The following PRKCA variants were observed in gnomAD, a reference collection of about 807,000 sequenced individuals.
The protein encoded by PRKCA is protein kinase C alpha type.
PRKCA carries 27 observed loss-of-function variants against 87.0 expected under a neutral mutation model. The ratio of observed to expected loss-of-function variants is 0.31; its 90% CI spans 0.23 to 0.43. The LOEUF (loss-of-function observed/expected upper bound fraction) is 0.43, where lower values mean the gene tolerates loss of function less well. Ranked by LOEUF, PRKCA falls within the 20% of genes least tolerant of loss-of-function variation. The pLI, the probability that PRKCA is intolerant of heterozygous loss-of-function variation, is 1.00. For synonymous variants in PRKCA, 329 were observed against 311.1 expected (o/e 1.06, Z -0.61); for missense variants, 518 against 852.3 (o/e 0.61, Z 4.88).
intron 3 of PRKCA, among the ~76,000 whole-genome samples, chr17:66,513,281 A>G (rs760975693): frequency 2.0e-5 from 3 of 152,204 alleles, no homozygotes; most frequent in Admixed American, 1.3e-4. Flanking sequence ...CTAAAGGGAA[A>G]TGTCCTAAGA....
intron 16 of PRKCA, chr17:66,797,091 G>GTAAA (rs562606336): frequency 1.2e-3 from 912 of 743,734 alleles, no homozygotes; most frequent in Middle Eastern, 3.4e-3. Context: ...AGACGCCGAG[G>GTAAA]TAAAGGGCAG....
intron 3 of PRKCA, among the ~76,000 whole-genome samples, chr17:66,626,751 C>G (rs1970869685): frequency 6.6e-6 from 1 of 152,190 alleles, no homozygotes; most frequent in African/African-American, 2.4e-5. Context: ...AAGTAATCCA[C>G]CTGTCTGGGC....
chr17:66,508,935 G>A (rs1917096432), intron 3 of PRKCA, among the ~76,000 whole-genome samples: 1 of 152,162 alleles, frequency 6.6e-6, no homozygotes, highest in Admixed American at 6.5e-5. Flanking sequence ...CGGCCTCACT[G>A]GCTGTTAGCT....
intron 3 of PRKCA, among the ~76,000 whole-genome samples, chr17:66,637,144 A>G (rs947547791): frequency 1.3e-5 from 2 of 152,244 alleles, no homozygotes; most frequent in Admixed American, 1.3e-4. Flanking sequence ...TTGCGTGAGT[A>G]AGCCTTAGGT....
chr17:66,675,352 G>A (rs1043295611), intron 5 of PRKCA, among the ~76,000 whole-genome samples: 3 of 152,094 alleles, frequency 2.0e-5, no homozygotes, highest in East Asian at 3.9e-4. Flanking sequence ...TAATGTCATC[G>A]CCTTGGGGGT....
intron 3 of PRKCA, among the ~76,000 whole-genome samples, chr17:66,503,218 C>T (rs1916824145): frequency 6.6e-6 from 1 of 152,110 alleles, no homozygotes; most frequent in Admixed American, 6.5e-5. Flanking sequence ...TTATTTGCCC[C>T]ATGTGTTTTT....
intron 11 of PRKCA, among the ~76,000 whole-genome samples, chr17:66,740,083 G>A (rs1974124321): frequency 6.6e-6 from 1 of 152,182 alleles, no homozygotes; most frequent in Admixed American, 6.5e-5. Flanking sequence ...GGAGAGAAGA[G>A]ATAAACCTCT....
chr17:66,387,284 C>G (rs993580258), intron 2 of PRKCA, among the ~76,000 whole-genome samples: 1 of 152,148 alleles, frequency 6.6e-6, no homozygotes. Context: ...GCAGCATGGG[C>G]AGAAAAGTTG....
At chr17:66,548,090 T>C (rs555302180) in intron 3 of PRKCA, among the ~76,000 whole-genome samples, 6 of 152,216 alleles carry the variant, frequency 3.9e-5, no homozygotes, top group Admixed American at 6.5e-5. Context: ...ATTGTAGCTG[T>C]AATTGTGGGG....
Position 66,382,168 on chromosome 17 carries a change from GTGACCC to G in PRKCA, c.205+76043_205+76048del, listed in dbSNP as rs1420220630. Among the ~76,000 whole-genome samples the G allele has an allele frequency of 2.0e-5, 3 of 152,132 alleles. 1 individual carries two copies. The highest frequency in any genetic ancestry group is 2.9e-5 in the Non-Finnish European group (2 of 68,024). ...GTCCTGCCAAACCTTGGCCTTCAGA[GTGACCC>G]TAGGGCTGGTCTTCCACATTGTGGA... On this transcript the variant is annotated intron_variant, in intron 2 of 16. Coordinates refer to ENST00000413366, the MANE Select transcript of PRKCA (RefSeq NM_002737.3).
At chr17:66,473,534 C>T (rs1352392754) in intron 2 of PRKCA, among the ~76,000 whole-genome samples, 1 of 152,130 alleles carries the variant, frequency 6.6e-6, no homozygotes, top group African/African-American at 2.4e-5. Flanking sequence ...TCCCATTCTA[C>T]TGTTGTTCAA....
chr17:66,776,001 G>A (rs1975036967), intron 14 of PRKCA, among the ~76,000 whole-genome samples: 1 of 152,232 alleles, frequency 6.6e-6, no homozygotes, highest in Admixed American at 6.5e-5. Context: ...AGGAAGTATG[G>A]GGTTGTCTGT....
At chr17:66,490,886 A>T (rs959554770) in intron 2 of PRKCA, among the ~76,000 whole-genome samples, 1 of 152,174 alleles carries the variant, frequency 6.6e-6, no homozygotes, top group Non-Finnish European at 1.5e-5. Flanking sequence ...TGGCTGTATG[A>T]ATTCTTGAGC....
chr17:66,507,492 T>C (rs977644309), intron 3 of PRKCA, among the ~76,000 whole-genome samples: 1 of 152,200 alleles, frequency 6.6e-6, no homozygotes, highest in African/African-American at 2.4e-5. Flanking sequence ...TGAGAAATCT[T>C]AAAATGGTAA....
chr17:66,774,692 G>A (rs1215194121), intron 14 of PRKCA: 2 of 986,184 alleles, frequency 2.0e-6, no homozygotes, highest in African/African-American at 3.5e-5. Flanking sequence ...CTGGGGTTGG[G>A]TTATATGGTT....
At chr17:66,762,179 G>C (rs1476690708) in intron 13 of PRKCA, among the ~76,000 whole-genome samples, 1 of 152,194 alleles carries the variant, frequency 6.6e-6, no homozygotes, top group African/African-American at 2.4e-5. Context: ...AATCATTTGA[G>C]TGTTTAACAT....
intron 2 of PRKCA, among the ~76,000 whole-genome samples, chr17:66,307,288 A>G (rs1397297858): frequency 1.3e-5 from 2 of 152,176 alleles, no homozygotes; most frequent in Non-Finnish European, 2.9e-5. Flanking sequence ...GAAGAAAGAG[A>G]AAGATGTGTT....
chr17:66,409,055 AG>A (rs1567814003), intron 2 of PRKCA, among the ~76,000 whole-genome samples: 2 of 146,944 alleles, frequency 1.4e-5, no homozygotes, highest in African/African-American at 5.1e-5. Context: ...AAAAAAAAAA[AG>A]AAGAAGAATA....
intron 2 of PRKCA, among the ~76,000 whole-genome samples, chr17:66,477,131 A>T (rs2144036275): frequency 1.3e-5 from 2 of 152,246 alleles, no homozygotes; most frequent in Admixed American, 1.3e-4. Flanking sequence ...ATTAGAAACC[A>T]CTTGGGAAAC....
Sources: allele counts gnomAD v4.1 joint callset (sites outside exome capture counted in the v4.1 genomes callset), GRCh38; gene constraint gnomAD v4.1.1; transcripts MANE v1.5; gene names NCBI Gene and HGNC (gene_info 2026-07-23, HGNC 2026-07-21).